The following LRRTM4 variants were observed in gnomAD, a reference collection of about 807,000 sequenced individuals.
LRRTM4 encodes leucine-rich repeat transmembrane neuronal protein 4.
Under a neutral mutation model 47.6 loss-of-function variants are expected in LRRTM4, and 25 were observed. That is an observed-to-expected ratio of 0.53 (90% CI 0.38 to 0.73). The LOEUF (loss-of-function observed/expected upper bound fraction) is 0.73. LRRTM4 is among the 30% of genes least tolerant of loss of function. The probability of loss-of-function intolerance (pLI) is 0.00; values close to 1 mark genes in which losing one functional copy is unlikely to be tolerated. For missense variants in LRRTM4, 638 were observed against 713.4 expected (o/e 0.89, Z 1.20); for synonymous variants, 311 against 269.5 (o/e 1.15, Z -1.51).
chr2:77,382,368 T>C (rs959336387), intron 3 of LRRTM4, among the ~76,000 whole-genome samples: 6 of 152,112 alleles, frequency 3.9e-5, no homozygotes, highest in Non-Finnish European at 1.5e-5. Context: ...CAACATCAGA[T>C]AGCTACAGGC....
At chr2:77,028,593 TGA>T (rs1678535084) in intron 3 of LRRTM4, among the ~76,000 whole-genome samples, 1 of 152,084 alleles carries the variant, frequency 6.6e-6, no homozygotes. Context: ...AGGTAAATAT[TGA>T]TTCTGAAAAG....
chr2:77,372,358 A>T (rs2103772081), intron 3 of LRRTM4, among the ~76,000 whole-genome samples: 1 of 151,774 alleles, frequency 6.6e-6, no homozygotes, highest in African/African-American at 2.4e-5. Flanking sequence ...ATTATTAACA[A>T]TTTTTTGGTA....
At chr2:77,074,474 A>G (rs1430546135) in intron 3 of LRRTM4, among the ~76,000 whole-genome samples, 1 of 152,112 alleles carries the variant, frequency 6.6e-6, no homozygotes. Context: ...TTGGAATTAT[A>G]AAAAACTGAA....
intron 3 of LRRTM4, among the ~76,000 whole-genome samples, chr2:76,807,471 C>CACACATATAT (rs545039725): frequency 8.2e-5 from 8 of 97,482 alleles, no homozygotes; most frequent in African/African-American, 4.4e-4. Flanking sequence ...TATATATATA[C>CACACATATAT]ATATATATAT....
At chr2:77,415,574 T>C (rs1674606740) in intron 3 of LRRTM4, among the ~76,000 whole-genome samples, 2 of 152,192 alleles carry the variant, frequency 1.3e-5, no homozygotes, top group Admixed American at 1.3e-4. Flanking sequence ...GCACATACTG[T>C]TCATTTTGCC....
chr2:76,888,407 T>C (rs1673146193), intron 3 of LRRTM4, among the ~76,000 whole-genome samples: 1 of 151,546 alleles, frequency 6.6e-6, no homozygotes, highest in Admixed American at 6.6e-5. Context: ...TACATAGACA[T>C]CTGAAAAGTC....
At chr2:77,356,806 C>A (rs1421273019) in intron 3 of LRRTM4, among the ~76,000 whole-genome samples, 3 of 152,160 alleles carry the variant, frequency 2.0e-5, no homozygotes. Flanking sequence ...ATCTCTCAAA[C>A]TTTCAGCGTG....
Position 76,873,504 on chromosome 2 carries a change from G to GTATATATATATATATATA in LRRTM4, c.1552-124589_1552-124588insTATATATATATATATATA, listed in dbSNP as rs1371189658. ...TATATGTGTGTGTGTATATATATGT[G>GTATATATATATATATATA]TGTATATATATATATATATATATAT... is the stretch of plus-strand genomic sequence containing the variant. On this transcript the variant is annotated intron_variant, in intron 3 of 3. Coordinates refer to ENST00000409884, the MANE Select transcript of LRRTM4 (RefSeq NM_001134745.3). Among the ~76,000 whole-genome samples, 42 of 73,190 alleles carry GTATATATATATATATATA rather than the reference G, an allele frequency of 5.7e-4. 1 individual carries two copies. Among genetic ancestry groups the GTATATATATATATATATA allele is most frequent in the Admixed American group, 1.9e-3 (10 of 5,330 alleles). The allele number at this position is 73,190 out of a possible 152,430, so 48.0% of individuals were successfully genotyped here.
intron 3 of LRRTM4, among the ~76,000 whole-genome samples, chr2:77,318,961 A>G (rs946455812): frequency 2.0e-5 from 3 of 151,966 alleles, no homozygotes; most frequent in African/African-American, 4.8e-5. Context: ...ATTTTTTTCA[A>G]CTGAGATAGT....
At chr2:77,026,096 G>A (rs968820674) in intron 3 of LRRTM4, among the ~76,000 whole-genome samples, 1 of 152,018 alleles carries the variant, frequency 6.6e-6, no homozygotes, top group African/African-American at 2.4e-5. Context: ...CTTTGCCTTG[G>A]GTAAGTAATT....
intron 3 of LRRTM4, among the ~76,000 whole-genome samples, chr2:76,766,690 G>A (rs1673469455): frequency 6.6e-6 from 1 of 152,182 alleles, no homozygotes; most frequent in South Asian, 2.1e-4. Context: ...CAGTTCTGAA[G>A]TAACTGGTTT....
intron 3 of LRRTM4, among the ~76,000 whole-genome samples, chr2:77,205,746 TGAG>T (rs1339548565): frequency 3.9e-5 from 6 of 152,172 alleles, no homozygotes; most frequent in African/African-American, 1.4e-4. Flanking sequence ...ATGACTATCA[TGAG>T]GAGAATGTAC....
chr2:77,453,196 T>TCC (rs1676333021), intron 3 of LRRTM4, among the ~76,000 whole-genome samples: 1 of 146,974 alleles, frequency 6.8e-6, no homozygotes, highest in African/African-American at 2.5e-5. Context: ...TTTTTTTTTT[T>TCC]TTTGAGATAG....
At chr2:77,156,310 A>G (rs2103796302) in intron 3 of LRRTM4, among the ~76,000 whole-genome samples, 1 of 129,926 alleles carries the variant, frequency 7.7e-6, no homozygotes, top group East Asian at 2.3e-4. Context: ...AACAAACATA[A>G]GTAAAAGACA....
At chr2:77,297,775 GA>G (rs1240392521) in intron 3 of LRRTM4, among the ~76,000 whole-genome samples, 3 of 152,138 alleles carry the variant, frequency 2.0e-5, no homozygotes, top group Admixed American at 6.5e-5. Flanking sequence ...GATATAATGA[GA>G]GAAGTTTTCC....
intron 3 of LRRTM4, among the ~76,000 whole-genome samples, chr2:76,781,971 C>T (rs1006083113): frequency 6.6e-6 from 1 of 152,042 alleles, no homozygotes; most frequent in African/African-American, 2.4e-5. Flanking sequence ...TAAAGCCAAA[C>T]CTCTTTCTAA....
intron 3 of LRRTM4, among the ~76,000 whole-genome samples, chr2:77,053,757 AAAAG>A (rs1216840007): frequency 6.6e-6 from 1 of 152,188 alleles, no homozygotes; most frequent in African/African-American, 2.4e-5. Flanking sequence ...AAACTGAAAA[AAAAG>A]TAAGGGAAAA....
At chr2:77,508,350 C>T (rs899189950) in intron 3 of LRRTM4, among the ~76,000 whole-genome samples, 3 of 151,982 alleles carry the variant, frequency 2.0e-5, no homozygotes, top group African/African-American at 4.8e-5. Flanking sequence ...AGTAAGGGCT[C>T]GTAGAGGACA....
At chr2:77,120,086 A>G (rs1671487519) in intron 3 of LRRTM4, among the ~76,000 whole-genome samples, 1 of 151,816 alleles carries the variant, frequency 6.6e-6, no homozygotes, top group African/African-American at 2.4e-5. Flanking sequence ...TTATGAAAAT[A>G]CCATCACTAT....
Sources: allele counts gnomAD v4.1 joint callset (sites outside exome capture counted in the v4.1 genomes callset), GRCh38; gene constraint gnomAD v4.1.1; transcripts MANE v1.5; gene names NCBI Gene and HGNC (gene_info 2026-07-23, HGNC 2026-07-21).